The following FTSJ3 variants were observed in gnomAD, a reference collection of about 807,000 sequenced individuals.
FTSJ3 encodes the protein pre-rRNA 2'-O-ribose RNA methyltransferase FTSJ3.
Under a neutral mutation model 111.5 loss-of-function variants are expected in FTSJ3, and 46 were observed. The observed-to-expected ratio is 0.41, with a 90% CI of 0.33 to 0.53. The LOEUF is 0.53. Among genes scored for constraint, FTSJ3 ranks in the 20% least tolerant of loss-of-function variants. FTSJ3 has a pLI of 0.19. For synonymous variants in FTSJ3, 408 were observed against 383.0 expected (o/e 1.07, Z -0.76); for missense variants, 1,075 against 1,063.8 (o/e 1.01, Z -0.15).
rs755624871 is a variant in FTSJ3, at chr17:63,824,756, A to G, written c.817-19T>C. 53 of 1,610,290 alleles carry G rather than the reference A, an allele frequency of 3.3e-5. No individual in the cohort carries two copies. Among genetic ancestry groups the G allele is most frequent in the Non-Finnish European group, 4.3e-5 (51 of 1,176,498 alleles). ...CCATGATCTGTTTGGGAGGATGGAA[A>G]GGTGTCAGGGGAGATCCTCAGGCCA... On this transcript the variant is annotated intron_variant, in intron 9 of 20. Transcript: ENST00000427159.
rs1422079158 is a variant in FTSJ3 at position 63,821,849 on chromosome 17, G to A, written c.1476-6C>T. The A allele has an allele frequency of 6.2e-7, 1 of 1,613,968 alleles. No homozygotes were observed. The highest frequency in any genetic ancestry group is 2.2e-5 in the East Asian group (1 of 44,888). On this transcript the variant is annotated splice_region_variant and splice_polypyrimidine_tract_variant and intron_variant, in intron 14 of 20. Transcript: ENST00000427159. ...GCACTTCAGTAAGTCGCATACTGTA[G>A]ACCCAAAGGAAAGTAGGGGGCTCAG...
In FTSJ3 at chr17:63,820,981, T is replaced by C. The variant is rs199801932; in HGVS notation, c.1973-43A>G. 76 of 1,609,784 alleles carry C rather than the reference T, an allele frequency of 4.7e-5. No homozygotes were observed. The African/African-American group carries it at 8.7e-4, about 18-fold the overall frequency. On this transcript the variant is annotated intron_variant, in intron 17 of 20. Coordinates refer to ENST00000427159, the MANE Select transcript of FTSJ3 (RefSeq NM_017647.4). The stretch of plus-strand genomic sequence containing the variant: ...AAGGTCAAAGCTCAATTCCCAATAC[T>C]GAGACTTCCAGTGGTCTTTTCTCAT...
chr17:63,821,243 C>T (rs1200734410), intron 16 of FTSJ3, 111 bp downstream of exon 16: 6 of 1,504,902 alleles, frequency 4.0e-6, no homozygotes, highest in South Asian at 1.2e-5. Flanking sequence ...ATCGTCAGTA[C>T]AGTATTTTTA....
chr17:63,820,208 T>TTCCCCCCCCCCCCC, intron 19 of FTSJ3, 35 bp from the exon 20 acceptor site: 9 of 694,918 alleles, frequency 1.3e-5, no homozygotes, highest in South Asian at 7.7e-5. Context: ...CTCTTCCCCA[T>TTCCCCCCCCCCCCC]CCCCCCACCC....
At position 63,819,475 on chromosome 17, in the gene FTSJ3, G is replaced by A. The variant is rs182721113; in HGVS notation, c.*327C>T. ...TATTCAGGAATAGGATGGGGGTGGG[G>A]AGGGCTTAAGTGGCCCACACGTCCA... On this transcript the variant is annotated 3_prime_UTR_variant, in exon 21 of 21. Coordinates refer to ENST00000427159, the MANE Select transcript of FTSJ3 (RefSeq NM_017647.4). The A allele has an allele frequency of 7.6e-6, 2 of 261,670 alleles. No individual in the cohort carries two copies. Among genetic ancestry groups the A allele is most frequent in the East Asian group, 7.6e-5 (1 of 13,162 alleles). 16.2% of individuals were successfully genotyped at this position (261,670 alleles called of 1,614,324 possible).
In FTSJ3 at chr17:63,824,347, T is replaced by C; in HGVS notation, c.982A>G (p.Lys328Glu). ...YVAKKLKEQA[K>E]ALDISLSSGE... ...TCTCCTCACCTGATGTCCAGTGCCTTTGCTTGTTCTTTCAGCTTCTTGGCC... is the reference window on the plus strand; with the variant it reads ...TCTCCTCACCTGATGTCCAGTGCCTCTGCTTGTTCTTTCAGCTTCTTGGCC... Residue 328 changes from lysine (K) to glutamate (E), a missense_variant, in exon 11 of 21, where the codon AAG becomes GAG. Lys to Glu is a moderately conservative substitution (Grantham distance 56). Coordinates refer to ENST00000427159, the MANE Select transcript of FTSJ3 (RefSeq NM_017647.4). 1.2e-6 allele frequency: 2 copies of C among 1,614,202 alleles called. No homozygotes were observed. The highest frequency in any genetic ancestry group is 1.7e-6 in the Non-Finnish European group (2 of 1,180,030).
rs1703311357 is a variant in FTSJ3 at position 63,826,415 on chromosome 17, G to A, written c.174-111C>T. The A allele has an allele frequency of 4.2e-6, 5 of 1,198,364 alleles. No individual in the cohort carries two copies. The Admixed American group carries it at 8.5e-5, about 20-fold the overall frequency. 74.2% of individuals were successfully genotyped at this position (1,198,364 alleles called of 1,614,324 possible). ...ACTGGCCAAAGCATATCATAGGCACGTATTCCAAGCCCTTTCTCTGCAATC... is the reference window on the plus strand; with the variant it reads ...ACTGGCCAAAGCATATCATAGGCACATATTCCAAGCCCTTTCTCTGCAATC... On this transcript the variant is annotated intron_variant, in intron 3 of 20. Coordinates refer to ENST00000427159, the MANE Select transcript of FTSJ3 (RefSeq NM_017647.4).
chr17:63,819,945 C>T lies in FTSJ3; in HGVS notation c.2401G>A (p.Val801Ile), dbSNP rs762982336. 46 of 1,614,090 alleles carry T rather than the reference C, an allele frequency of 2.8e-5. No individual in the cohort carries two copies. Among genetic ancestry groups the T allele is most frequent in the East Asian group, 1.1e-4 (5 of 44,896 alleles). Residue 801 changes from valine (V) to isoleucine (I), a missense_variant, in exon 21 of 21, where the codon GTT (valine) becomes ATT (isoleucine). Physicochemically the swap from Val to Ile is conservative, Grantham distance 29 (BLOSUM62 3). Coordinates refer to ENST00000427159, the MANE Select transcript of FTSJ3 (RefSeq NM_017647.4). ...CGGCCCACACCTTTTTTGGCTACAACGTAGGTGACATGGCGTTTCTCCTTG... is the reference window on the plus strand; with the variant it reads ...CGGCCCACACCTTTTTTGGCTACAATGTAGGTGACATGGCGTTTCTCCTTG... Reference protein sequence around the residue: ...LGKEKRHVTYVVAKKGVGRKV... With the variant: ...LGKEKRHVTYIVAKKGVGRKV...
In FTSJ3 at chr17:63,825,564, AG is replaced by A; in HGVS notation, c.371del (p.Ala124ValfsTer13). On this transcript the variant is annotated frameshift_variant, in exon 6 of 21. Coordinates refer to ENST00000427159, the MANE Select transcript of FTSJ3 (RefSeq NM_017647.4). LOFTEE classifies it high-confidence loss of function. ...VLNDGAPNVG[A>X]SWVHDAYSQA... ...GTGAGTAAGCATCATGGACCCAGCT[AG>A]CCCCAACGTTGGGGGCCCCATCATT... 6.2e-7 allele frequency: 1 copy of A among 1,614,132 alleles called. No homozygotes were observed.
intron 5 of FTSJ3, chr17:63,825,846 T>C: frequency 1.6e-6 from 1 of 627,382 alleles, no homozygotes; most frequent in Non-Finnish European, 2.8e-6. Context: ...TCACTAAAGA[T>C]CTCTGCCCTT....
In FTSJ3 at chr17:63,825,223, G is replaced by A. The variant is rs771443048; in HGVS notation, c.595+19C>T. On this transcript the variant is annotated intron_variant, in intron 7 of 20. Transcript: ENST00000427159. The stretch of plus-strand genomic sequence containing the variant: ...TGGGAGTTGGGAGCCTGGATCAAGA[G>A]AAAGGAAATGATGCCCACCTTGGCA... 2 of 1,614,070 alleles carry A rather than the reference G, an allele frequency of 1.2e-6. No individual in the cohort carries two copies. The highest frequency in any genetic ancestry group is 1.7e-5 in the Admixed American group (1 of 59,984).
intron 16 of FTSJ3, 58 bp from the exon 17 acceptor site, chr17:63,821,173 T>C (rs1429897024): frequency 5.7e-6 from 9 of 1,588,234 alleles, no homozygotes; most frequent in Admixed American, 5.0e-5. Flanking sequence ...CAGACCGCAC[T>C]CCCACGGAAT....
rs2040025703 is a variant in FTSJ3 at position 63,819,553 on chromosome 17, G to C, written c.*249C>G. 2 of 451,060 alleles carry C rather than the reference G, an allele frequency of 4.4e-6. No homozygotes were observed. The highest frequency in any genetic ancestry group is 6.8e-5 in the East Asian group (2 of 29,360). The allele number at this position is 451,060 out of a possible 1,614,324, so 27.9% of individuals were successfully genotyped here. ...CTCCAACACCGAACTTCCCTTTAAC[G>C]GTTTAAAAAAAGGGTCATGAGTGTC... On this transcript the variant is annotated 3_prime_UTR_variant, in exon 21 of 21. Transcript: ENST00000427159.
Position 63,824,790 on chromosome 17 carries a change from G to A in FTSJ3, c.816+35C>T, listed in dbSNP as rs750695064. ...GGGAGATCCTCAGGCCATGTTTCTG[G>A]GGCTACCTCATGTCCCTCAAGGCTG... is the stretch of plus-strand genomic sequence containing the variant. On this transcript the variant is annotated intron_variant, in intron 9 of 20. Transcript: ENST00000427159. The A allele has an allele frequency of 8.1e-6, 13 of 1,605,370 alleles. No individual in the cohort carries two copies. In the African/African-American group the frequency reaches 1.7e-4, roughly 21 times the overall value.
Position 63,824,447 on chromosome 17 carries a change from C to A in FTSJ3, c.918-36G>T, listed in dbSNP as rs368782642. 4.4e-5 allele frequency: 71 copies of A among 1,602,692 alleles called. 2 individuals are homozygous for A. The highest frequency in any genetic ancestry group is 2.9e-4 in the East Asian group (13 of 44,834). ...GATACTATTACTGATCTTGCCATCT[C>A]CCTCTTTGTCCCCGCCCCCTTCTGT... On this transcript the variant is annotated intron_variant, in intron 10 of 20. Coordinates refer to ENST00000427159, the MANE Select transcript of FTSJ3 (RefSeq NM_017647.4).
Position 63,820,178 on chromosome 17 carries a change from A to T in FTSJ3, c.2257-5T>A. ...CTGCTCCAGCCTCTTCAGCATCTGC[A>T]AAGGAACCTGTCAGGTGACCTCTTC... On this transcript the variant is annotated splice_polypyrimidine_tract_variant and splice_region_variant and intron_variant, in intron 19 of 20. Transcript: ENST00000427159. 6.2e-7 allele frequency: 1 copy of T among 1,613,956 alleles called. No homozygotes were observed. Among genetic ancestry groups the T allele is most frequent in the Admixed American group, 1.7e-5 (1 of 59,990 alleles).
At position 63,819,502 on chromosome 17, in the gene FTSJ3, G is replaced by A. The variant is rs2144599985; in HGVS notation, c.*300C>T. On this transcript the variant is annotated 3_prime_UTR_variant, in exon 21 of 21. Coordinates refer to ENST00000427159, the MANE Select transcript of FTSJ3 (RefSeq NM_017647.4). Reference sequence around the variant, plus strand: ...GGGCTTAAGTGGCCCACACGTCCAGGTGTAGACTGACTACATTGAGTATCG... The same window carrying A: ...GGGCTTAAGTGGCCCACACGTCCAGATGTAGACTGACTACATTGAGTATCG... 2.9e-6 allele frequency: 1 copy of A among 344,114 alleles called. No homozygotes were observed. The highest frequency in any genetic ancestry group is 5.3e-6 in the Non-Finnish European group (1 of 187,428). The allele number at this position is 344,114 out of a possible 1,614,324, so 21.3% of individuals were successfully genotyped here.
chr17:63,823,684 A>T, intron 13 of FTSJ3, 133 bp downstream of exon 13: 1 of 944,822 alleles, frequency 1.1e-6, no homozygotes, highest in Non-Finnish European at 1.6e-6. Flanking sequence ...ATACTCACCA[A>T]GGCACCCTGT....
At position 63,827,127 on chromosome 17, in the gene FTSJ3, C is replaced by T. The variant is rs2040116222; in HGVS notation, c.-102G>A. ...TAACTACTTCCGCTTCCGCTTGCGT[C>T]CCCTGCGTCCCTGGCTCGAGGTTTT... is the stretch of plus-strand genomic sequence containing the variant. On this transcript the variant is annotated 5_prime_UTR_variant, in exon 1 of 21. Coordinates refer to ENST00000427159, the MANE Select transcript of FTSJ3 (RefSeq NM_017647.4). The T allele has an allele frequency of 1.6e-6, 1 of 608,788 alleles. No homozygotes were observed. Among genetic ancestry groups the T allele is most frequent in the Admixed American group, 2.9e-5 (1 of 34,378 alleles). 37.7% of individuals were successfully genotyped at this position (608,788 alleles called of 1,614,324 possible).
Sources: allele counts gnomAD v4.1 joint callset, GRCh38; gene constraint gnomAD v4.1.1; transcripts MANE v1.5; gene names NCBI Gene and HGNC (gene_info 2026-07-23, HGNC 2026-07-21).